MAP2K7: variants seen among roughly 807,000 people sequenced by gnomAD.
The protein encoded by MAP2K7 is dual specificity mitogen-activated protein kinase kinase 7.
In MAP2K7, 12 loss-of-function variants were observed where a neutral mutation model predicts 47.7. The ratio of observed to expected loss-of-function variants is 0.25; its 90% CI spans 0.16 to 0.41. The LOEUF is 0.41. Ranked by LOEUF, MAP2K7 falls within the 10% of genes least tolerant of loss-of-function variation. MAP2K7 has a pLI of 1.00. For synonymous variants in MAP2K7, 299 were observed against 243.0 expected (o/e 1.23, Z -2.14); for missense variants, 415 against 600.3 (o/e 0.69, Z 3.23).
At position 7,913,788 on chromosome 19, in the gene MAP2K7, C is replaced by T. The variant is rs1159712397; in HGVS notation, c.*1357C>T. 2 of 152,266 alleles carry T rather than the reference C, an allele frequency of 1.3e-5. No individual in the cohort carries two copies. Among genetic ancestry groups the T allele is most frequent in the Non-Finnish European group, 2.9e-5 (2 of 67,960 alleles). The allele number at this position is 152,266 out of a possible 1,614,324, so 9.4% of individuals were successfully genotyped here. A position where few individuals can be genotyped will look rare whatever the true frequency, so the allele number is the denominator to read the frequency against. On this transcript the variant is annotated 3_prime_UTR_variant, in exon 11 of 11. Coordinates refer to ENST00000397979, the MANE Select transcript of MAP2K7 (RefSeq NM_145185.4). ...AAAACAAGAAAAAAAAAACACAAAA[C>T]CCCGTAAAATCACAAAGAAAATCCA...
chr19:7,908,993 C>G (rs1006655268), intron 1 of MAP2K7, among the ~76,000 whole-genome samples: 4 of 152,126 alleles, frequency 2.6e-5, no homozygotes, highest in African/African-American at 9.7e-5. Context: ...GAGCTGCCCG[C>G]ATGCAGGCTG....
intron 5 of MAP2K7, 57 bp from the exon 6 acceptor site, chr19:7,910,639 A>G: frequency 6.2e-7 from 1 of 1,609,506 alleles, no homozygotes; most frequent in Non-Finnish European, 8.5e-7. Flanking sequence ...TAGGGAGCAG[A>G]GCCTCTGGGG....
intron 1 of MAP2K7, among the ~76,000 whole-genome samples, chr19:7,905,217 G>A (rs1982369402): frequency 6.6e-6 from 1 of 152,104 alleles, no homozygotes; most frequent in South Asian, 2.1e-4. Flanking sequence ...GACCTTCGTA[G>A]TTTATTTAGT....
At chr19:7,911,387 G>C in intron 8 of MAP2K7, 49 bp from the exon 9 acceptor site, 1 of 1,613,346 alleles carries the variant, frequency 6.2e-7, no homozygotes, top group South Asian at 1.1e-5. Context: ...TGGGGGACTC[G>C]GAGGGAGGAG....
chr19:7,906,170 A>G, intron 1 of MAP2K7: 1 of 386,964 alleles, frequency 2.6e-6, no homozygotes, highest in Non-Finnish European at 4.8e-6. Flanking sequence ...TGTGTGTGTA[A>G]CTGAGAGAAC....
At chr19:7,905,642 C>T (rs1265707222) in intron 1 of MAP2K7, among the ~76,000 whole-genome samples, 1 of 152,188 alleles carries the variant, frequency 6.6e-6, no homozygotes, top group Non-Finnish European at 1.5e-5. Flanking sequence ...CAACTCCATC[C>T]CATCCTCCCC....
At chr19:7,910,186 C>A in intron 3 of MAP2K7, 57 bp downstream of exon 3, 1 of 1,596,822 alleles carries the variant, frequency 6.3e-7, no homozygotes, top group East Asian at 2.3e-5. Flanking sequence ...TGGACCCATC[C>A]TGGGAGCGCC....
Position 7,912,422 on chromosome 19 carries a change from C to T in MAP2K7, c.1251C>T (p.Phe417=), listed in dbSNP as rs751683301. ...SGVLSQPHLP[F]FR ...TCCTGAGCCAGCCCCACCTGCCCTT[C>T]TTCAGGTAGCTGCTTGGCGGCGGCC... Residue 417 remains phenylalanine (F), a synonymous_variant, in exon 11 of 11, where the codon TTC becomes TTT. Coordinates refer to ENST00000397979, the MANE Select transcript of MAP2K7 (RefSeq NM_145185.4). 2 of 1,611,724 alleles carry T rather than the reference C, an allele frequency of 1.2e-6. No homozygotes were observed. The highest frequency in any genetic ancestry group is 2.2e-5 in the South Asian group (2 of 91,034).
At position 7,910,818 on chromosome 19, in the gene MAP2K7, G is replaced by A. The variant is rs971500757; in HGVS notation, c.675+15G>A. On this transcript the variant is annotated intron_variant, in intron 6 of 10. Coordinates refer to ENST00000397979, the MANE Select transcript of MAP2K7 (RefSeq NM_145185.4). ...TGACAGTGGCGGTGAGTGACCAGGC[G>A]GGGCTTGCACTGGGCAGGATGACAG... 1.6e-5 allele frequency: 25 copies of A among 1,583,030 alleles called. No individual in the cohort carries two copies. The highest frequency in any genetic ancestry group is 2.7e-5 in the African/African-American group (2 of 74,336).
At chr19:7,910,958 AC>A (rs750393970) in intron 6 of MAP2K7, 21 bp from the exon 7 acceptor site, 5 of 1,600,330 alleles carry the variant, frequency 3.1e-6, no homozygotes, top group Non-Finnish European at 4.3e-6. Context: ...TGCCACATGC[AC>A]CCCCCTCTGC....
chr19:7,908,625 C>T (rs1335021577), intron 1 of MAP2K7, among the ~76,000 whole-genome samples: 4 of 151,968 alleles, frequency 2.6e-5, no homozygotes, highest in South Asian at 4.2e-4. Context: ...CTTTGGAGAG[C>T]GGCAGGCCCC....
At position 7,913,743 on chromosome 19, in the gene MAP2K7, A is replaced by G. The variant is rs1235234534; in HGVS notation, c.*1312A>G. ...GGTGTTGCATGCAAATCAAGTGGAC[A>G]AGAAAAAATAACAAAACAAAAAACA... On this transcript the variant is annotated 3_prime_UTR_variant, in exon 11 of 11. Coordinates refer to ENST00000397979, the MANE Select transcript of MAP2K7 (RefSeq NM_145185.4). 4 of 152,254 alleles carry G rather than the reference A, an allele frequency of 2.6e-5. No individual in the cohort carries two copies. The highest frequency in any genetic ancestry group is 9.7e-5 in the African/African-American group (4 of 41,378). 9.4% of individuals were successfully genotyped at this position (152,254 alleles called of 1,614,324 possible). A position where few individuals can be genotyped will look rare whatever the true frequency, so the allele number is the denominator to read the frequency against.
rs1230649055 is a variant in MAP2K7 at position 7,913,798 on chromosome 19, TCA to T, written c.*1370_*1371del. On this transcript the variant is annotated 3_prime_UTR_variant, in exon 11 of 11. Transcript: ENST00000397979. ...AAAAAAAACACAAAACCCCGTAAAA[TCA>T]CAAAGAAAATCCAACACCAAAGGCG... 6.6e-6 allele frequency: 1 copy of T among 151,154 alleles called. No individual in the cohort carries two copies. The highest frequency in any genetic ancestry group is 1.5e-5 in the Non-Finnish European group (1 of 67,662). The allele number at this position is 151,154 out of a possible 1,614,324, so 9.4% of individuals were successfully genotyped here.
In MAP2K7 at chr19:7,911,237, C is replaced by CA. The variant is rs758590739; in HGVS notation, c.856-13_856-12insA. 2 of 1,509,554 alleles carry CA rather than the reference C, an allele frequency of 1.3e-6. No homozygotes were observed. Among genetic ancestry groups the CA allele is most frequent in the Admixed American group, 3.5e-5 (2 of 56,430 alleles). The allele number at this position is 1,509,554 out of a possible 1,614,324, so 93.5% of individuals were successfully genotyped here. On this transcript the variant is annotated splice_polypyrimidine_tract_variant and intron_variant, in intron 7 of 10. Coordinates refer to ENST00000397979, the MANE Select transcript of MAP2K7 (RefSeq NM_145185.4). ...CAGCCTTGGAGATACGTCTTCTCCT[C>CA]CCCCCCCTGCAGCCCGAGCGCATTG...
At chr19:7,904,138 C>G (rs928917571) in intron 1 of MAP2K7, 70 bp downstream of exon 1, 9 of 1,168,142 alleles carry the variant, frequency 7.7e-6, no homozygotes, top group Non-Finnish European at 8.5e-6. Context: ...GGCCCCGCCC[C>G]CACCACAAGG....
At chr19:7,906,055 C>T in intron 1 of MAP2K7, 1 of 609,612 alleles carries the variant, frequency 1.6e-6, no homozygotes, top group Non-Finnish European at 3.0e-6. Context: ...CTCCTCCTCC[C>T]CCTCCCTTAC....
intron 1 of MAP2K7, among the ~76,000 whole-genome samples, chr19:7,909,268 C>T (rs752107873): frequency 7.2e-5 from 11 of 152,234 alleles, no homozygotes; most frequent in Admixed American, 2.0e-4. Context: ...GCCTCCCCAG[C>T]GTGGCCCTGC....
Position 7,910,534 on chromosome 19 carries a change from C to G in MAP2K7, c.529C>G (p.Pro177Ala). 1 of 1,613,690 alleles carries G rather than the reference C, an allele frequency of 6.2e-7. No homozygotes were observed. Among genetic ancestry groups the G allele is most frequent in the Admixed American group, 1.7e-5 (1 of 60,026 alleles). The change falls in exon 5 of 11, where the codon CCC becomes GCC. Residue 177 changes from proline (P) to alanine (A), a missense_variant. By Grantham distance (27) the Pro-to-Ala change is conservative. Coordinates refer to ENST00000397979, the MANE Select transcript of MAP2K7 (RefSeq NM_145185.4). ...LDVVLKSHDC[P>A]YIVQCFGTFI... ...TGTGGTGCTGAAGAGCCACGACTGC[C>G]CCTACATCGTGCAGTGCTTTGGGAC...
At chr19:7,907,180 TG>T (rs113468172) in intron 1 of MAP2K7, 15 of 146,746 alleles carry the variant, frequency 1.0e-4, no homozygotes, top group South Asian at 4.3e-4. Flanking sequence ...TTGAAGGAGT[TG>T]GGGGGGGAGA....
Sources: gnomAD v4.1 joint callset for allele counts (sites outside exome capture counted in the v4.1 genomes callset) on GRCh38, gnomAD v4.1.1 for gene constraint, MANE v1.5 for transcripts, NCBI Gene and HGNC (gene_info 2026-07-23, HGNC 2026-07-21) for gene names.